Variants in DOP1B observed in about 807,000 individuals in gnomAD.
DOP1B encodes protein DOP1B.
A neutral mutation model predicts 233.5 loss-of-function variants in DOP1B; 174 were observed. The observed-to-expected ratio is 0.75, with a 90% CI of 0.66 to 0.85. The LOEUF (loss-of-function observed/expected upper bound fraction) is 0.85. DOP1B is among the 40% of genes least tolerant of loss of function. The pLI is 0.00. For missense variants in DOP1B, 2,652 were observed against 2,846.6 expected, an observed-to-expected ratio of 0.93 and a Z score of 1.56; for synonymous variants, 1,190 against 1,185.6, an observed-to-expected ratio of 1.00 and a Z score of -0.08.
At chr21:36,180,768 C>T (rs901640360) in intron 2 of DOP1B, among the ~76,000 whole-genome samples, 3 of 152,000 alleles carry the variant, frequency 2.0e-5, no homozygotes. Flanking sequence ...GTAATCCCAG[C>T]TACTTGAGAG....
At chr21:36,291,428 G>C (rs1255891966) in intron 35 of DOP1B, among the ~76,000 whole-genome samples, 1 of 152,070 alleles carries the variant, frequency 6.6e-6, no homozygotes, top group African/African-American at 2.4e-5. Flanking sequence ...AGGCATGGTG[G>C]CAGGTGCCTG....
chr21:36,248,283 A>G, intron 20 of DOP1B, 97 bp from the exon 21 acceptor site: 1 of 1,311,112 alleles, frequency 7.6e-7, no homozygotes, highest in South Asian at 1.5e-5. Flanking sequence ...AGAGAGTCCA[A>G]CAGCCCAGAC....
chr21:36,248,000 A>G (rs1230640534), intron 20 of DOP1B, among the ~76,000 whole-genome samples: 2 of 152,228 alleles, frequency 1.3e-5, no homozygotes, highest in African/African-American at 4.8e-5. Flanking sequence ...GTTTGATTTT[A>G]GGCTTATAGT....
intron 24 of DOP1B, 130 bp downstream of exon 24, chr21:36,260,862 G>T: frequency 6.6e-7 from 1 of 1,514,366 alleles, no homozygotes; most frequent in Non-Finnish European, 8.8e-7. Flanking sequence ...TCTTAAAGTT[G>T]TCATAATTTC....
chr21:36,222,899 C>A (rs987215710), intron 10 of DOP1B, among the ~76,000 whole-genome samples: 1 of 151,910 alleles, frequency 6.6e-6, no homozygotes, highest in African/African-American at 2.4e-5. Flanking sequence ...TCATGCCCTG[C>A]TAATTTTTGT....
intron 27 of DOP1B, among the ~76,000 whole-genome samples, chr21:36,274,898 G>T (rs13046337): frequency 0.41 from 62,903 of 151,926 alleles, 13,131 homozygotes; most frequent in Middle Eastern, 0.51. Flanking sequence ...AGGCAGGAGT[G>T]CAGTGGCGTG....
intron 23 of DOP1B, among the ~76,000 whole-genome samples, chr21:36,260,313 C>G (rs1325236100): frequency 6.6e-6 from 1 of 152,100 alleles, no homozygotes; most frequent in East Asian, 1.9e-4. Flanking sequence ...AGAATTTTTT[C>G]TTGCCTCTTG....
intron 24 of DOP1B, chr21:36,261,236 G>A (rs2067167211): frequency 2.3e-6 from 2 of 863,134 alleles, no homozygotes; most frequent in Admixed American, 6.2e-5. Context: ...ATGGTGGCGT[G>A]CGCCTGTAAT....
intron 2 of DOP1B, among the ~76,000 whole-genome samples, chr21:36,175,006 G>A (rs769354819): frequency 2.6e-4 from 40 of 152,192 alleles, no homozygotes; most frequent in Non-Finnish European, 4.0e-4. Context: ...TGTCGGCAGG[G>A]TTGGTTCTTC....
At position 36,247,140 on chromosome 21, in the gene DOP1B, A is replaced by G. The variant is rs566860093; in HGVS notation, c.4698-377A>G. Among the ~76,000 whole-genome samples the G allele has an allele frequency of 4.6e-5, 7 of 152,256 alleles. No homozygotes were observed. In the East Asian group the frequency reaches 1.4e-3, roughly 29 times the overall value. ...GGCAATCCCCCTGCCTCGGCCTCCCAAAGTGCTGGGGTGCTAGAGGGAGCC... is the reference window on the plus strand; with the variant it reads ...GGCAATCCCCCTGCCTCGGCCTCCCGAAGTGCTGGGGTGCTAGAGGGAGCC... On this transcript the variant is annotated intron_variant, in intron 19 of 36. Transcript: ENST00000691173.
chr21:36,237,236 C>T, intron 15 of DOP1B, 26 bp from the exon 16 acceptor site: 11 of 1,614,074 alleles, frequency 6.8e-6, no homozygotes, highest in Non-Finnish European at 9.3e-6. Flanking sequence ...CCTGGTCCCC[C>T]ACCGCCTGCC....
intron 30 of DOP1B, among the ~76,000 whole-genome samples, chr21:36,278,574 A>G (rs1241674261): frequency 1.3e-5 from 2 of 152,306 alleles, no homozygotes; most frequent in African/African-American, 4.8e-5. Flanking sequence ...TTCAGAGAGC[A>G]TGTTATTTCC....
chr21:36,276,757 C>T (rs936159432), intron 27 of DOP1B, among the ~76,000 whole-genome samples: 1 of 146,690 alleles, frequency 6.8e-6, no homozygotes, highest in Non-Finnish European at 1.5e-5. Flanking sequence ...AAGAGAATTG[C>T]TTAAACCTGG....
intron 2 of DOP1B, among the ~76,000 whole-genome samples, chr21:36,191,206 G>C (rs577606374): frequency 6.6e-6 from 1 of 150,524 alleles, no homozygotes; most frequent in African/African-American, 2.4e-5. Context: ...GGGTGAAGAC[G>C]CTGTCAGAGA....
At position 36,246,235 on chromosome 21, in the gene DOP1B, T is replaced by G; in HGVS notation, c.4255T>G (p.Phe1419Val). 1.9e-6 allele frequency: 3 copies of G among 1,613,904 alleles called. No individual in the cohort carries two copies. Among genetic ancestry groups the G allele is most frequent in the Non-Finnish European group, 2.5e-6 (3 of 1,180,040 alleles). Residue 1419 changes from phenylalanine (F) to valine (V), a missense_variant, in exon 19 of 37, where the codon TTT (phenylalanine) becomes GTT (valine). Physicochemically the swap from Phe to Val is conservative, Grantham distance 50 (BLOSUM62 -1). This residue lies in a region of DOP1B where 2,617 missense variants were observed against 2,794.3 expected (regional missense o/e 0.94). Coordinates refer to ENST00000691173, the MANE Select transcript of DOP1B (RefSeq NM_001320714.2). This position sits in a 1 kb window ranked among gnomAD's most constrained non-coding sequence, Gnocchi z 5.1. ...HGRALPEDSL[F>V]EESLINLGQD... ...CAGGGCCCTGCCAGAGGACAGCCTC[T>G]TTGAGGAGAGTCTCATTAACTTGGG...
chr21:36,170,347 C>T (rs1400057548), intron 2 of DOP1B: 2 of 257,374 alleles, frequency 7.8e-6, no homozygotes, highest in Non-Finnish European at 1.5e-5. Context: ...CCTGTAATCC[C>T]AGCACTCTGG....
Position 36,253,847 on chromosome 21 carries a change from A to ACGC in DOP1B, c.5198_5200dup (p.Thr1733_Leu1734insPro). 1 of 1,614,052 alleles carries ACGC rather than the reference A, an allele frequency of 6.2e-7. No homozygotes were observed. ...TGCACTCAGCACCCTGCAGACTGAC[A>ACGC]CGCTGCTGCACCTGGTGAAGGAGGT... On this transcript the variant is annotated inframe_insertion, in exon 23 of 37. Transcript: ENST00000691173.
In DOP1B at chr21:36,186,984, C is replaced by T. The variant is rs141810616; in HGVS notation, c.139-12086C>T. ...GGGCCCGTCTTAGGAGCTCGACCGG[C>T]GGCCAGCAAAACATTCCCTCCACAG... On this transcript the variant is annotated intron_variant, in intron 2 of 36. Coordinates refer to ENST00000691173, the MANE Select transcript of DOP1B (RefSeq NM_001320714.2). 1.6e-3 allele frequency among the ~76,000 whole-genome samples: 251 copies of T among 152,124 alleles called. 4 individuals carry two copies. The East Asian group carries it at 0.041, about 25-fold the overall frequency.
chr21:36,227,032 C>T (rs1042371634), intron 12 of DOP1B, among the ~76,000 whole-genome samples: 5 of 150,822 alleles, frequency 3.3e-5, no homozygotes, highest in East Asian at 3.9e-4. Context: ...GGTGAAACCC[C>T]GTCTCTACTA....
Sources: allele counts gnomAD v4.1 joint callset (sites outside exome capture counted in the v4.1 genomes callset), GRCh38; gene constraint gnomAD v4.1.1; regional missense constraint gnomAD v4.1.1; non-coding constraint Gnocchi (gnomAD v3.1); transcripts MANE v1.5; gene names NCBI Gene and HGNC (gene_info 2026-07-23, HGNC 2026-07-21).